The following SLC34A3 variants were observed in gnomAD, a reference collection of about 807,000 sequenced individuals.
SLC34A3 encodes sodium-dependent phosphate transport protein 2C.
In SLC34A3, 60 loss-of-function variants were observed where a neutral mutation model predicts 43.9. The ratio of observed to expected loss-of-function variants is 1.37; its 90% CI spans 1.11 to 1.70. SLC34A3 has a LOEUF of 1.70. Among genes scored for constraint, SLC34A3 ranks in the 40% most tolerant of loss-of-function variants. The pLI is 0.00. For missense variants in SLC34A3, 969 were observed against 823.8 expected, an observed-to-expected ratio of 1.18 and a Z score of -2.16; for synonymous variants, 451 against 386.2, an observed-to-expected ratio of 1.17 and a Z score of -1.97.
chr9:137,235,855 G>A (rs1318383236), intron 12 of SLC34A3, 97 bp from the exon 13 acceptor site: 16 of 1,098,914 alleles, frequency 1.5e-5, no homozygotes, highest in Non-Finnish European at 2.1e-5. Context: ...CTTCAGACTT[G>A]GCGCTCCTTC....
intron 1 of SLC34A3, among the ~76,000 whole-genome samples, chr9:137,231,345 G>T (rs1007649096): frequency 2.6e-5 from 4 of 152,218 alleles, no homozygotes; most frequent in Non-Finnish European, 5.9e-5. Flanking sequence ...GATAGGGGAG[G>T]TCCCCAGGTT....
chr9:137,232,301 G>A (rs1005982214), intron 3 of SLC34A3, 140 bp downstream of exon 3: 37 of 881,386 alleles, frequency 4.2e-5, no homozygotes, highest in Admixed American at 2.1e-4. Flanking sequence ...GGGGAGACAC[G>A]TGTCCCTCAA....
At chr9:137,232,031 G>A (rs777566846) in intron 2 of SLC34A3, 41 bp from the exon 3 acceptor site, 1 of 1,586,030 alleles carries the variant, frequency 6.3e-7, no homozygotes, top group Non-Finnish European at 8.7e-7. Flanking sequence ...GTTGGAGGGA[G>A]GTGGTCCTGG....
rs1443221197 is a variant in SLC34A3, at chr9:137,233,091, C to T, written c.536C>T (p.Ser179Leu). The stretch of plus-strand genomic sequence containing the variant: ...AGCACCCTGGTCTCAATGGCGCAGT[C>T]AGGGGACCGGGATGAATTTCAGAGG... ...ITSTLVSMAQ[S>L]GDRDEFQRAF... Residue 179 changes from serine (S) to leucine (L), a missense_variant, in exon 6 of 13, where the codon TCA (serine) becomes TTA (leucine). Transcript: ENST00000673835. 1.0e-5 allele frequency: 16 copies of T among 1,596,104 alleles called. No individual in the cohort carries two copies. The highest frequency in any genetic ancestry group is 1.4e-5 in the Non-Finnish European group (16 of 1,171,124).
At chr9:137,233,184 C>G in intron 6 of SLC34A3, 25 bp from the exon 7 acceptor site, 2 of 1,563,622 alleles carry the variant, frequency 1.3e-6, no homozygotes, top group Non-Finnish European at 1.7e-6. Flanking sequence ...CCCCACCTGA[C>G]CCTGCCCACT....
intron 8 of SLC34A3, 57 bp downstream of exon 8, chr9:137,233,779 T>TACCCCCCCCCCCCCC: frequency 2.1e-6 from 3 of 1,445,824 alleles, no homozygotes; most frequent in East Asian, 2.3e-5. Context: ...TGCTGAGTCA[T>TACCCCCCCCCCCCCC]CCCGCCCCAC....
intron 8 of SLC34A3, 62 bp downstream of exon 8, chr9:137,233,784 C>A: frequency 1.1e-6 from 1 of 926,820 alleles, no homozygotes; most frequent in Non-Finnish European, 1.6e-6. Flanking sequence ...AGTCATCCCG[C>A]CCCACCCACC....
intron 3 of SLC34A3, 121 bp downstream of exon 3, chr9:137,232,282 G>A: frequency 2.0e-6 from 2 of 1,003,366 alleles, no homozygotes; most frequent in Middle Eastern, 3.0e-4. Context: ...CGCCATGCAG[G>A]CCCCCTCTGG....
In SLC34A3 at chr9:137,234,277, G is replaced by A; in HGVS notation, c.1093+1G>A. 3 of 1,610,514 alleles carry A rather than the reference G, an allele frequency of 1.9e-6. No individual in the cohort carries two copies. The highest frequency in any genetic ancestry group is 2.5e-6 in the Non-Finnish European group (3 of 1,179,492). The stretch of plus-strand genomic sequence containing the variant: ...GTCGTGAGGACAGTCATCAATGCGG[G>A]TGAGGGCGTGGGAGGAGGTGCGGTG... On this transcript the variant is annotated splice_donor_variant, in intron 10 of 12. Coordinates refer to ENST00000673835, the MANE Select transcript of SLC34A3 (RefSeq NM_001177316.2). LOFTEE classifies it high-confidence loss of function. The surrounding 1 kb of genome is among the most constrained non-coding windows in gnomAD (Gnocchi z 6.9).
At position 137,236,380 on chromosome 9, in the gene SLC34A3, C is replaced by G. The variant is rs749255818; in HGVS notation, c.1764C>G (p.Tyr588Ter). Residue 588 changes from tyrosine (Y) to a stop codon, truncating the protein, a stop_gained, in exon 13 of 13, where the codon TAC becomes TAG. Coordinates refer to ENST00000673835, the MANE Select transcript of SLC34A3 (RefSeq NM_001177316.2). LOFTEE classifies it high-confidence loss of function. Reference sequence around the variant, plus strand: ...CCACCACCAAAGAGGCCTACTGCTACGAGAACCCTGAGATCTTGGCCTCCC... The same window carrying G: ...CCACCACCAAAGAGGCCTACTGCTAGGAGAACCCTGAGATCTTGGCCTCCC... ...PKATTKEAYC[Y>*]ENPEILASQQ... 1.3e-5 allele frequency: 20 copies of G among 1,538,770 alleles called. No individual in the cohort carries two copies. The South Asian group carries it at 2.3e-4, about 17-fold the overall frequency.
chr9:137,234,090 G>T lies in SLC34A3; in HGVS notation c.926-19G>T. On this transcript the variant is annotated intron_variant, in intron 9 of 12. Transcript: ENST00000673835. This position sits in a 1 kb window ranked among gnomAD's most constrained non-coding sequence, Gnocchi z 6.9. ...CCACCCCCCAGGCTCCCCCTCACCT[G>T]CCCCTGCCCTGCCCCCAGGCCGCCA... 7.3e-7 allele frequency: 1 copy of T among 1,365,206 alleles called. No individual in the cohort carries two copies. The highest frequency in any genetic ancestry group is 9.6e-7 in the Non-Finnish European group (1 of 1,046,472). The allele number at this position is 1,365,206 out of a possible 1,614,324, so 84.6% of individuals were successfully genotyped here. A position where few individuals can be genotyped will look rare whatever the true frequency, so the allele number is the denominator to read the frequency against.
chr9:137,230,305 C>T (rs1037059964), upstream of SLC34A3, among the ~76,000 whole-genome samples: 10 of 152,190 alleles, frequency 6.6e-5, no homozygotes, highest in Non-Finnish European at 1.2e-4. Flanking sequence ...GCCGCCGTCG[C>T]TGGCTATACC....
rs1266011760 is a variant in SLC34A3 at position 137,233,844 on chromosome 9, T to A, written c.847-19T>A. 7.4e-6 allele frequency: 11 copies of A among 1,478,498 alleles called. No individual in the cohort carries two copies. The highest frequency in any genetic ancestry group is 1.9e-5 in the Admixed American group (1 of 52,996). The allele number at this position is 1,478,498 out of a possible 1,614,324, so 91.6% of individuals were successfully genotyped here. ...GTCTGCCCACTGAGCCTGTCCTGAGTCCTCCCTGCCCTCCCCAGACCCAGG... is the reference window on the plus strand; with the variant it reads ...GTCTGCCCACTGAGCCTGTCCTGAGACCTCCCTGCCCTCCCCAGACCCAGG... On this transcript the variant is annotated intron_variant, in intron 8 of 12. Transcript: ENST00000673835.
In SLC34A3 at chr9:137,232,804, T is replaced by A; in HGVS notation, c.325T>A (p.Phe109Ile). ...TGTAGGCAAAGTGGCCGGAGACATC[T>A]TCAAGGACAACGTGGTGCTGTCCAA... is the stretch of plus-strand genomic sequence containing the variant. ...LLGSKVAGDI[F>I]KDNVVLSNPV... The change falls in exon 5 of 13, where the codon TTC becomes ATC. Residue 109 changes from phenylalanine to isoleucine, a missense_variant. Phe to Ile is a conservative substitution (Grantham distance 21). Transcript: ENST00000673835. 1 of 1,613,110 alleles carries A rather than the reference T, an allele frequency of 6.2e-7. No individual in the cohort carries two copies. Among genetic ancestry groups the A allele is most frequent in the Non-Finnish European group, 8.5e-7 (1 of 1,179,982 alleles).
Position 137,233,132 on chromosome 9 carries a change from A to C in SLC34A3, c.560+17A>C. 7.8e-7 allele frequency: 1 copy of C among 1,283,932 alleles called. No homozygotes were observed. The highest frequency in any genetic ancestry group is 1.1e-6 in the Non-Finnish European group (1 of 942,852). 79.5% of individuals were successfully genotyped at this position (1,283,932 alleles called of 1,614,324 possible). On this transcript the variant is annotated intron_variant, in intron 6 of 12. Transcript: ENST00000673835. ...ATTTCAGAGGTGAGTTGTGGGTGGA[A>C]GGGCTGGGCTGGGGCTGCAGTGGCA...
In SLC34A3 at chr9:137,234,828, T is replaced by C. The variant is rs369214694; in HGVS notation, c.1335+97T>C. ...CAGCCCCGGGGCCCTAGGCTGGCTG[T>C]GCCCCCGCCTTCCTGGACCCCTTCC... On this transcript the variant is annotated intron_variant, in intron 12 of 12. Coordinates refer to ENST00000673835, the MANE Select transcript of SLC34A3 (RefSeq NM_001177316.2). This position sits in a 1 kb window ranked among gnomAD's most constrained non-coding sequence, Gnocchi z 6.9. 78 of 1,562,502 alleles carry C rather than the reference T, an allele frequency of 5.0e-5. No homozygotes were observed. The East Asian group carries it at 1.0e-3, about 20-fold the overall frequency.
chr9:137,235,252 C>T (rs984660949), intron 12 of SLC34A3, among the ~76,000 whole-genome samples: 25 of 152,176 alleles, frequency 1.6e-4, no homozygotes, highest in African/African-American at 5.8e-4. Flanking sequence ...GCCCCAACCC[C>T]AGTCTCATTT....
rs1346166649 is a variant in SLC34A3 at position 137,234,474 on chromosome 9, C to G, written c.1152C>G (p.Gly384=). 1 of 1,601,086 alleles carries G rather than the reference C, an allele frequency of 6.2e-7. No homozygotes were observed. Among genetic ancestry groups the G allele is most frequent in the African/African-American group, 1.3e-5 (1 of 75,000 alleles). The change falls in exon 11 of 13, where the codon GGC becomes GGG. Residue 384 remains glycine (G), a synonymous_variant. Transcript: ENST00000673835. The surrounding 1 kb of genome is among the most constrained non-coding windows in gnomAD (Gnocchi z 6.9). ...ACCTGGCCGTCCTCGCGGGCGCCGGCCTGACCTTCGCACTGCAGAGCAGCA... is the reference window on the plus strand; with the variant it reads ...ACCTGGCCGTCCTCGCGGGCGCCGGGCTGACCTTCGCACTGCAGAGCAGCA... ...GGYLAVLAGA[G]LTFALQSSSV...
rs987845127 is a variant in SLC34A3 at position 137,236,452 on chromosome 9, G to A, written c.*36G>A. ...CTGAGCAGACCGCCCCACCCTCCCC[G>A]GCTGGGAGGGCTCTGGAGGGCCCTG... On this transcript the variant is annotated 3_prime_UTR_variant, in exon 13 of 13. Transcript: ENST00000673835. The A allele has an allele frequency of 5.9e-5, 90 of 1,519,770 alleles. No homozygotes were observed. The highest frequency in any genetic ancestry group is 3.5e-4 in the Middle Eastern group (2 of 5,724). 94.1% of individuals were successfully genotyped at this position (1,519,770 alleles called of 1,614,324 possible).
Sources: allele counts gnomAD v4.1 joint callset (sites outside exome capture counted in the v4.1 genomes callset), GRCh38; gene constraint gnomAD v4.1.1; non-coding constraint Gnocchi (gnomAD v3.1); transcripts MANE v1.5; gene names NCBI Gene and HGNC (gene_info 2026-07-23, HGNC 2026-07-21).